The following VAPA variants were observed in gnomAD, a reference collection of about 807,000 sequenced individuals.
VAPA encodes VAMP associated protein A, also known as vesicle-associated membrane protein-associated protein A.
In VAPA, 6 loss-of-function variants were observed where a neutral mutation model predicts 25.6. The observed-to-expected ratio is 0.23, with a 90% CI of 0.13 to 0.46. The LOEUF (loss-of-function observed/expected upper bound fraction) is 0.46. VAPA is among the 20% of genes least tolerant of loss of function. The pLI, the probability that VAPA is intolerant of heterozygous loss-of-function variation, is 0.99. For missense variants in VAPA, 244 were observed against 302.1 expected, an observed-to-expected ratio of 0.81 and a Z score of 1.43; for synonymous variants, 112 against 106.2, an observed-to-expected ratio of 1.05 and a Z score of -0.34.
intron 1 of VAPA, among the ~76,000 whole-genome samples, chr18:9,926,910 G>A (rs114680401): frequency 6.6e-6 from 1 of 152,252 alleles, no homozygotes; most frequent in African/African-American, 2.4e-5. Flanking sequence ...GGCCCATGGA[G>A]AATTGTCTCC....
chr18:9,923,539 A>G (rs1336693039), intron 1 of VAPA, among the ~76,000 whole-genome samples: 1 of 152,198 alleles, frequency 6.6e-6, no homozygotes, highest in African/African-American at 2.4e-5. Flanking sequence ...TGAAGTGTAT[A>G]TGAATATGTA....
chr18:9,940,403 G>A lies in VAPA; in HGVS notation c.417+3337G>A, dbSNP rs1176355790. On this transcript the variant is annotated intron_variant, in intron 4 of 5. Transcript: ENST00000400000. Reference sequence around the variant, plus strand: ...GAGATGGTATTTCACAACTATAATCGACCGGGTACCTGTGACAAAATTGAT... The same window carrying A: ...GAGATGGTATTTCACAACTATAATCAACCGGGTACCTGTGACAAAATTGAT... 2.6e-5 allele frequency among the ~76,000 whole-genome samples: 4 copies of A among 151,948 alleles called. No homozygotes were observed. The South Asian group carries it at 8.3e-4, about 32-fold the overall frequency.
chr18:9,936,849 G>A (rs2069316186), intron 3 of VAPA, 137 bp from the exon 4 acceptor site: 1 of 615,272 alleles, frequency 1.6e-6, no homozygotes, highest in Non-Finnish European at 2.9e-6. Context: ...CAATGGCAGG[G>A]TGATCAATAA....
chr18:9,931,916 G>A lies in VAPA; in HGVS notation c.186G>A (p.Arg62=), dbSNP rs906282390. ...KTTAPRRYCV[R]PNSGIIDPGS... is the part of the protein sequence containing the mutation. Reference sequence around the variant, plus strand: ...CAGCACCTCGCCGGTACTGTGTGAGGCCCAACAGTGGAATTATTGACCCAG... The same window carrying A: ...CAGCACCTCGCCGGTACTGTGTGAGACCCAACAGTGGAATTATTGACCCAG... The change falls in exon 2 of 6, where the codon AGG becomes AGA. Residue 62 remains arginine (R), a synonymous_variant. Transcript: ENST00000400000. The A allele has an allele frequency of 1.2e-6, 2 of 1,610,508 alleles. No homozygotes were observed. The highest frequency in any genetic ancestry group is 1.7e-5 in the Admixed American group (1 of 59,524).
intron 3 of VAPA, 176 bp downstream of exon 3, chr18:9,936,389 T>C (rs1377827435): frequency 1.4e-5 from 6 of 437,530 alleles, no homozygotes; most frequent in Non-Finnish European, 8.1e-6. Flanking sequence ...AATTTTTAAA[T>C]AGTATTTTTT....
chr18:9,950,652 T>G, intron 5 of VAPA, 84 bp downstream of exon 5: 1 of 1,464,326 alleles, frequency 6.8e-7, no homozygotes, highest in Non-Finnish European at 9.2e-7. Flanking sequence ...AGCAATTAGC[T>G]TTTAAATTTT....
intron 4 of VAPA, chr18:9,948,328 G>A (rs1011849392): frequency 4.6e-5 from 7 of 152,042 alleles, no homozygotes; most frequent in African/African-American, 1.4e-4. Flanking sequence ...CCCATCAAAT[G>A]CTTAACAAAA....
intron 4 of VAPA, among the ~76,000 whole-genome samples, chr18:9,940,196 T>C (rs559888206): frequency 9.8e-5 from 15 of 152,346 alleles, no homozygotes; most frequent in South Asian, 6.2e-4. Flanking sequence ...TTTAAACATA[T>C]TTGAGTTTTA....
At chr18:9,918,809 A>G (rs141495543) in intron 1 of VAPA, among the ~76,000 whole-genome samples, 38 of 152,246 alleles carry the variant, frequency 2.5e-4, no homozygotes, top group Non-Finnish European at 4.4e-4. Context: ...CTTATTCACT[A>G]TTTAGATTTG....
chr18:9,918,494 G>T (rs1171714389), intron 1 of VAPA, among the ~76,000 whole-genome samples: 7 of 151,824 alleles, frequency 4.6e-5, no homozygotes, highest in Non-Finnish European at 1.0e-4. Flanking sequence ...ACCTCCCCCT[G>T]GCTCTTGACA....
chr18:9,947,867 C>T (rs945710523), intron 4 of VAPA: 3 of 152,038 alleles, frequency 2.0e-5, no homozygotes, highest in Non-Finnish European at 4.4e-5. Flanking sequence ...CAAAGCCCAC[C>T]CTCCCATCAC....
At chr18:9,928,181 TCCTCTAAA>T (rs1247980131) in intron 1 of VAPA, among the ~76,000 whole-genome samples, 1 of 152,126 alleles carries the variant, frequency 6.6e-6, no homozygotes, top group Non-Finnish European at 1.5e-5. Context: ...GTTTTAGAAA[TCCTCTAAA>T]CCTATTTATT....
intron 1 of VAPA, among the ~76,000 whole-genome samples, chr18:9,920,156 G>A (rs573520406): frequency 2.6e-5 from 4 of 152,158 alleles, no homozygotes; most frequent in Non-Finnish European, 4.4e-5. Context: ...TGGTAGATAT[G>A]TTTAGGTCTT....
At chr18:9,935,975 A>C (rs763887717) in intron 2 of VAPA, 135 bp from the exon 3 acceptor site, 10 of 480,406 alleles carry the variant, frequency 2.1e-5, no homozygotes, top group Non-Finnish European at 3.5e-5. Flanking sequence ...TTTGTGAAGT[A>C]GTAGGAATGA....
chr18:9,948,651 C>G (rs1261699265), intron 4 of VAPA: 1 of 152,246 alleles, frequency 6.6e-6, no homozygotes, highest in Non-Finnish European at 1.5e-5. Flanking sequence ...TCATTGCAAC[C>G]TCCGCTTCCT....
chr18:9,945,394 T>C (rs1224912022), intron 4 of VAPA, among the ~76,000 whole-genome samples: 1 of 129,300 alleles, frequency 7.7e-6, no homozygotes, highest in Non-Finnish European at 1.6e-5. Context: ...GGAGTCTCGC[T>C]CTGTCACCCA....
At chr18:9,929,242 C>T (rs143085751) in intron 1 of VAPA, among the ~76,000 whole-genome samples, 50 of 152,242 alleles carry the variant, frequency 3.3e-4, no homozygotes, top group African/African-American at 1.2e-3. Flanking sequence ...GCAATGGGAA[C>T]ATAGTACTTC....
chr18:9,944,868 C>T, intron 4 of VAPA: 1 of 1,578,490 alleles, frequency 6.3e-7, no homozygotes, highest in South Asian at 1.2e-5. Flanking sequence ...CAATATCATG[C>T]AGAAGAAATC....
At chr18:9,919,430 C>G (rs2069138542) in intron 1 of VAPA, among the ~76,000 whole-genome samples, 2 of 152,048 alleles carry the variant, frequency 1.3e-5, no homozygotes, top group African/African-American at 4.8e-5. Context: ...AAACACAAGC[C>G]ATGTTTTCAT....
Sources: allele counts gnomAD v4.1 joint callset (sites outside exome capture counted in the v4.1 genomes callset), GRCh38; gene constraint gnomAD v4.1.1; transcripts MANE v1.5; gene names NCBI Gene and HGNC (gene_info 2026-07-23, HGNC 2026-07-21).